CYSTM1: variants seen among roughly 807,000 people sequenced by gnomAD.
The protein encoded by CYSTM1 is cysteine rich transmembrane module containing 1.
In CYSTM1, 4 loss-of-function variants were observed where a neutral mutation model predicts 13.1. The observed-to-expected ratio is 0.31, with a 90% CI of 0.15 to 0.70. The LOEUF is 0.70. Ranked by LOEUF, CYSTM1 falls within the 30% of genes least tolerant of loss-of-function variation. CYSTM1 has a pLI of 0.72. For synonymous variants in CYSTM1, 36 were observed against 42.7 expected (o/e 0.84, Z 0.62); for missense variants, 96 against 121.6 (o/e 0.79, Z 0.99).
At chr5:140,225,033 T>C (rs1764533176) in intron 2 of CYSTM1, among the ~76,000 whole-genome samples, 1 of 152,098 alleles carries the variant, frequency 6.6e-6, no homozygotes, top group East Asian at 1.9e-4. Context: ...ATTTTAAAAA[T>C]TAGCCAGGTG....
intron 2 of CYSTM1, among the ~76,000 whole-genome samples, chr5:140,205,822 G>T (rs1764291637): frequency 6.6e-6 from 1 of 152,136 alleles, no homozygotes. Context: ...GTTGCTGAGG[G>T]TCACTCCTGA....
chr5:140,185,824 T>G (rs1347034761), intron 1 of CYSTM1, among the ~76,000 whole-genome samples: 4 of 152,240 alleles, frequency 2.6e-5, no homozygotes, highest in African/African-American at 9.6e-5. Context: ...GCCTTGGGTT[T>G]AAGATTTGAG....
At chr5:140,242,508 TGGCC>T (rs1764763187) in intron 2 of CYSTM1, among the ~76,000 whole-genome samples, 1 of 152,226 alleles carries the variant, frequency 6.6e-6, no homozygotes, top group Non-Finnish European at 1.5e-5. Context: ...AGATTTTCAG[TGGCC>T]ACAGATTGAC....
At chr5:140,214,340 C>T (rs1287706620) in intron 2 of CYSTM1, among the ~76,000 whole-genome samples, 1 of 152,186 alleles carries the variant, frequency 6.6e-6, no homozygotes, top group Non-Finnish European at 1.5e-5. Context: ...TTATGTAGAA[C>T]ATTCTATTTT....
At chr5:140,195,847 C>T (rs1764150280) in intron 2 of CYSTM1, among the ~76,000 whole-genome samples, 1 of 151,532 alleles carries the variant, frequency 6.6e-6, no homozygotes, top group African/African-American at 2.4e-5. Context: ...GAGTTCAAGA[C>T]CAGCCTGGCC....
chr5:140,205,437 C>T (rs539511074), intron 2 of CYSTM1, among the ~76,000 whole-genome samples: 8 of 152,148 alleles, frequency 5.3e-5, no homozygotes, highest in Admixed American at 2.0e-4. Flanking sequence ...TCATCAGAAA[C>T]TCCAATCAGG....
intron 2 of CYSTM1, among the ~76,000 whole-genome samples, chr5:140,237,936 CCCAT>C (rs1374226500): frequency 1.3e-5 from 2 of 152,166 alleles, no homozygotes; most frequent in Non-Finnish European, 2.9e-5. Flanking sequence ...CAAGCAAGGA[CCCAT>C]CCACAGCTCG....
intron 2 of CYSTM1, among the ~76,000 whole-genome samples, chr5:140,217,231 T>A (rs138741474): frequency 6.6e-6 from 1 of 152,278 alleles, no homozygotes; most frequent in Non-Finnish European, 1.5e-5. Context: ...TGTGAGTTCT[T>A]AATGGGTAAA....
intron 1 of CYSTM1, among the ~76,000 whole-genome samples, chr5:140,179,957 C>T (rs979195423): frequency 1.3e-5 from 2 of 152,190 alleles, no homozygotes; most frequent in Admixed American, 6.5e-5. Flanking sequence ...GTCACCGCGC[C>T]CAGCCTCACT....
chr5:140,178,441 C>CTTTTTTTTTTT lies in CYSTM1; in HGVS notation c.-21+3171_-21+3181dup, dbSNP rs577709524. Among the ~76,000 whole-genome samples, 142 of 52,674 alleles carry CTTTTTTTTTTT rather than the reference C, an allele frequency of 2.7e-3. 17 individuals carry two copies. The highest frequency in any genetic ancestry group is 0.011 in the African/African-American group (133 of 11,830). The allele number at this position is 52,674 out of a possible 152,430, so 34.6% of individuals were successfully genotyped here. Reference sequence around the variant, plus strand: ...TGGAAAAGCCCTATTCAAGTCCTTCCTTTTTTTTTTTTTTTTTTTTTTTTT... The same window carrying CTTTTTTTTTTT: ...TGGAAAAGCCCTATTCAAGTCCTTCCTTTTTTTTTTTTTTTTTTTTTTTTTTTTTTTTTTTT... On this transcript the variant is annotated intron_variant, in intron 1 of 2. Transcript: ENST00000261811.
chr5:140,240,931 T>C (rs950284573), intron 2 of CYSTM1, among the ~76,000 whole-genome samples: 1 of 152,074 alleles, frequency 6.6e-6, no homozygotes, highest in Non-Finnish European at 1.5e-5. Flanking sequence ...GGTGAAAAGG[T>C]CCTAAGGCTT....
chr5:140,209,891 C>T (rs1290315912), intron 2 of CYSTM1, among the ~76,000 whole-genome samples: 4 of 152,064 alleles, frequency 2.6e-5, no homozygotes, highest in African/African-American at 9.7e-5. Flanking sequence ...TCTCACCTTA[C>T]TCATTTGTTG....
At chr5:140,218,506 C>T (rs989963026) in intron 2 of CYSTM1, among the ~76,000 whole-genome samples, 2 of 152,210 alleles carry the variant, frequency 1.3e-5, no homozygotes, top group African/African-American at 4.8e-5. Context: ...GGAATAGGTA[C>T]TAATCTCATC....
At chr5:140,176,532 G>A (rs112916635) in intron 1 of CYSTM1, among the ~76,000 whole-genome samples, 16 of 152,202 alleles carry the variant, frequency 1.1e-4, no homozygotes, top group African/African-American at 3.4e-4. Context: ...TTTAATGACT[G>A]GTTGGGAGCT....
chr5:140,228,767 G>A (rs1469889985), intron 2 of CYSTM1: 2 of 399,602 alleles, frequency 5.0e-6, no homozygotes, highest in African/African-American at 2.1e-5. Flanking sequence ...TGGACAGCGG[G>A]TGTCAGGCAG....
intron 1 of CYSTM1, among the ~76,000 whole-genome samples, chr5:140,191,548 G>C (rs1238762999): frequency 6.6e-6 from 1 of 152,162 alleles, no homozygotes; most frequent in Non-Finnish European, 1.5e-5. Flanking sequence ...ATCAATAAAA[G>C]TCATGAAACA....
At chr5:140,224,564 G>A (rs1764527326) in intron 2 of CYSTM1, among the ~76,000 whole-genome samples, 1 of 151,728 alleles carries the variant, frequency 6.6e-6, no homozygotes, top group Non-Finnish European at 1.5e-5. Flanking sequence ...TCTGTCACTT[G>A]GGCTGGAATG....
intron 2 of CYSTM1, among the ~76,000 whole-genome samples, chr5:140,216,263 G>C (rs1561814611): frequency 6.6e-6 from 1 of 152,216 alleles, no homozygotes; most frequent in Admixed American, 6.5e-5. Flanking sequence ...CATTTCAAAT[G>C]TTAGTATCAC....
rs1325733153 is a variant in CYSTM1, at chr5:140,207,076, A to G, written c.187+12424A>G. On this transcript the variant is annotated intron_variant, in intron 2 of 2. Coordinates refer to ENST00000261811, the MANE Select transcript of CYSTM1 (RefSeq NM_032412.4). The stretch of plus-strand genomic sequence containing the variant: ...ATGGAATGCCTCGGAAAAGTTTCAC[A>G]TAGACAGGGCCAGCATCTTTTAAGA... Among the ~76,000 whole-genome samples the G allele has an allele frequency of 2.0e-5, 3 of 152,206 alleles. No individual in the cohort carries two copies. The East Asian group carries it at 5.8e-4, about 29-fold the overall frequency.
Sources: allele counts gnomAD v4.1 joint callset (sites outside exome capture counted in the v4.1 genomes callset), GRCh38; gene constraint gnomAD v4.1.1; transcripts MANE v1.5; gene names NCBI Gene and HGNC (gene_info 2026-07-23, HGNC 2026-07-21).